Variants in DENND1A observed in about 807,000 individuals in gnomAD.
The protein encoded by DENND1A is DENN domain containing 1A, also known as DENN domain-containing protein 1A.
In DENND1A, 51 loss-of-function variants were observed where a neutral mutation model predicts 113.7. The ratio of observed to expected loss-of-function variants is 0.45; its 90% CI spans 0.36 to 0.57. DENND1A has a LOEUF of 0.57. Among genes scored for constraint, DENND1A ranks in the 20% least tolerant of loss-of-function variants. The pLI, the probability that DENND1A is intolerant of heterozygous loss-of-function variation, is 0.00. For missense variants in DENND1A, 1,258 were observed against 1,395.9 expected, an observed-to-expected ratio of 0.90 and a Z score of 1.57; for synonymous variants, 565 against 570.8, an observed-to-expected ratio of 0.99 and a Z score of 0.14.
intron 1 of DENND1A, among the ~76,000 whole-genome samples, chr9:123,879,631 A>G (rs1490606314): frequency 6.6e-6 from 1 of 152,244 alleles, no homozygotes; most frequent in African/African-American, 2.4e-5. Context: ...ATGGTTTTAC[A>G]GATGTCACAT....
At chr9:123,513,197 C>A (rs1038045255) in intron 13 of DENND1A, among the ~76,000 whole-genome samples, 1 of 152,202 alleles carries the variant, frequency 6.6e-6, no homozygotes, top group African/African-American at 2.4e-5. Flanking sequence ...ATTCTCAGGG[C>A]AGCCCGGTCC....
At chr9:123,929,575 C>T (rs1857657730) in intron 1 of DENND1A, among the ~76,000 whole-genome samples, 1 of 152,140 alleles carries the variant, frequency 6.6e-6, no homozygotes, top group Non-Finnish European at 1.5e-5. Flanking sequence ...CACTCCCCTT[C>T]CCCACAGTTG....
intron 9 of DENND1A, among the ~76,000 whole-genome samples, chr9:123,643,121 G>A (rs2062116892): frequency 1.3e-5 from 2 of 152,164 alleles, no homozygotes; most frequent in South Asian, 4.2e-4. Context: ...ACCAGACTGT[G>A]TGCTGGTGGG....
chr9:123,920,571 T>G (rs1856055425), intron 1 of DENND1A, among the ~76,000 whole-genome samples: 1 of 152,190 alleles, frequency 6.6e-6, no homozygotes, highest in African/African-American at 2.4e-5. Context: ...AGTGGTTTTT[T>G]TACTTCAAGA....
chr9:123,846,258 G>A (rs1842606039), intron 2 of DENND1A, among the ~76,000 whole-genome samples: 1 of 152,176 alleles, frequency 6.6e-6, no homozygotes, highest in African/African-American at 2.4e-5. Flanking sequence ...ATAAAATGGT[G>A]CAGCTGTTAT....
intron 8 of DENND1A, among the ~76,000 whole-genome samples, chr9:123,665,983 T>C (rs1163670425): frequency 6.6e-6 from 1 of 152,226 alleles, no homozygotes; most frequent in Non-Finnish European, 1.5e-5. Context: ...ATTTCACTTA[T>C]GTGAAGTACT....
intron 2 of DENND1A, among the ~76,000 whole-genome samples, chr9:123,849,072 G>C (rs1842992243): frequency 6.6e-6 from 1 of 152,196 alleles, no homozygotes; most frequent in Non-Finnish European, 1.5e-5. Context: ...AAGTTATCCA[G>C]AAGTTCAAGC....
chr9:123,787,515 G>A (rs1464854349), intron 3 of DENND1A, among the ~76,000 whole-genome samples: 1 of 152,120 alleles, frequency 6.6e-6, no homozygotes, highest in Non-Finnish European at 1.5e-5. Flanking sequence ...GAATCTTCCA[G>A]CTGATTTACA....
At chr9:123,427,817 C>T (rs566474947) in intron 19 of DENND1A, among the ~76,000 whole-genome samples, 63 of 152,272 alleles carry the variant, frequency 4.1e-4, no homozygotes, top group African/African-American at 1.4e-3. Context: ...TAATTGGTTC[C>T]GATGGGCATA....
At chr9:123,558,318 A>G (rs2057542853) in intron 12 of DENND1A, among the ~76,000 whole-genome samples, 1 of 152,154 alleles carries the variant, frequency 6.6e-6, no homozygotes, top group Non-Finnish European at 1.5e-5. Context: ...ATCCCCTCTT[A>G]AAGCTACTTA....
Position 123,630,367 on chromosome 9 carries a change from C to A in DENND1A, c.719+9G>T. 2 of 1,581,352 alleles carry A rather than the reference C, an allele frequency of 1.3e-6. No homozygotes were observed. The highest frequency in any genetic ancestry group is 1.7e-6 in the Non-Finnish European group (2 of 1,160,356). ...AAGGAGAAGCAGAGGACAGGGCCAGCCACCTTACCAGCAGTAGTCCAGCAG... is the reference window on the plus strand; with the variant it reads ...AAGGAGAAGCAGAGGACAGGGCCAGACACCTTACCAGCAGTAGTCCAGCAG... On this transcript the variant is annotated intron_variant, in intron 10 of 23. Transcript: ENST00000394215.
chr9:123,592,284 ACT>A (rs2059493319), intron 11 of DENND1A, among the ~76,000 whole-genome samples: 1 of 152,150 alleles, frequency 6.6e-6, no homozygotes, highest in African/African-American at 2.4e-5. Flanking sequence ...CTATTATTAT[ACT>A]CTCATGCTAT....
intron 18 of DENND1A, among the ~76,000 whole-genome samples, chr9:123,449,145 T>C (rs940215977): frequency 1.3e-5 from 2 of 152,180 alleles, no homozygotes; most frequent in African/African-American, 4.8e-5. Flanking sequence ...AACTGTGGTC[T>C]GTTTACTCAT....
intron 2 of DENND1A, among the ~76,000 whole-genome samples, chr9:123,818,812 T>C (rs546368695): frequency 2.0e-5 from 3 of 152,306 alleles, no homozygotes; most frequent in African/African-American, 4.8e-5. Flanking sequence ...GATTTCAAAT[T>C]TTTAGATTAG....
rs1227021095 is a variant in DENND1A, at chr9:123,557,657, T to C, written c.906A>G (p.Thr302=). Residue 302 remains threonine (T), a synonymous_variant, in exon 13 of 24, where the codon ACA becomes ACG. Coordinates refer to ENST00000394215, the MANE Select transcript of DENND1A (RefSeq NM_001352964.2). ...CTCTGGCCACACCATCCCCAGTGGT[T>C]GTGGAGACCTTTTTCAGCCTGTTCT... ...SLKNRLKKVS[T]TTGDGVARAF... 2 of 1,614,062 alleles carry C rather than the reference T, an allele frequency of 1.2e-6. No individual in the cohort carries two copies. The highest frequency in any genetic ancestry group is 1.6e-4 in the Middle Eastern group (1 of 6,062).
chr9:123,395,544 T>C (rs150569560), intron 21 of DENND1A, among the ~76,000 whole-genome samples: 182 of 151,042 alleles, frequency 1.2e-3, no homozygotes, highest in Non-Finnish European at 2.2e-3. Flanking sequence ...GCCCTGCTAA[T>C]TGGGTCTGTG....
intron 6 of DENND1A, among the ~76,000 whole-genome samples, chr9:123,672,981 T>G (rs558758353): frequency 6.6e-6 from 1 of 152,308 alleles, no homozygotes; most frequent in Non-Finnish European, 1.5e-5. Flanking sequence ...CATGTTGCAG[T>G]TAGTAGTTAT....
chr9:123,457,575 G>A (rs547555637), intron 14 of DENND1A, 140 bp from the exon 15 acceptor site: 42 of 794,410 alleles, frequency 5.3e-5, no homozygotes, highest in African/African-American at 4.7e-4. Flanking sequence ...CTAAAATACC[G>A]GCTGCATATT....
At chr9:123,441,976 T>C (rs556051604) in intron 18 of DENND1A, among the ~76,000 whole-genome samples, 1 of 152,310 alleles carries the variant, frequency 6.6e-6, no homozygotes, top group East Asian at 1.9e-4. Context: ...AAGAAACATA[T>C]ATACATCTCT....
Sources: gnomAD v4.1 joint callset for allele counts (sites outside exome capture counted in the v4.1 genomes callset) on GRCh38, gnomAD v4.1.1 for gene constraint, MANE v1.5 for transcripts, NCBI Gene and HGNC (gene_info 2026-07-23, HGNC 2026-07-21) for gene names.